BCL2L13: variants seen among roughly 807,000 people sequenced by gnomAD.
The protein encoded by BCL2L13 is BCL2 like 13.
BCL2L13 carries 13 observed loss-of-function variants against 25.8 expected under a neutral mutation model. That is an observed-to-expected ratio of 0.50 (90% CI 0.33 to 0.80). The LOEUF is 0.80. BCL2L13 is among the 30% of genes least tolerant of loss of function. BCL2L13 has a pLI of 0.02. For missense variants in BCL2L13, 504 were observed against 574.9 expected, an observed-to-expected ratio of 0.88 and a Z score of 1.26; for synonymous variants, 244 against 230.3, an observed-to-expected ratio of 1.06 and a Z score of -0.54.
chr22:17,638,989 T>A (rs1341423179), intron 1 of BCL2L13, 103 bp downstream of exon 1: 15 of 957,918 alleles, frequency 1.6e-5, no homozygotes, highest in Non-Finnish European at 2.0e-5. Context: ...GACTCCCCAG[T>A]GGTTCCGACG....
rs2059020835 is a variant in BCL2L13 at position 17,660,214 on chromosome 22, A to C, written c.121+4382A>C. Reference sequence around the variant, plus strand: ...GAAGATCCACTAGTTGTGGGATGGAAAATACTGTTTTTTTAACAGTGGTTT... The same window carrying C: ...GAAGATCCACTAGTTGTGGGATGGACAATACTGTTTTTTTAACAGTGGTTT... On this transcript the variant is annotated intron_variant, in intron 2 of 6. Transcript: ENST00000317582. Among the ~76,000 whole-genome samples the C allele has an allele frequency of 1.4e-5, 2 of 146,590 alleles. 1 individual carries two copies. The highest frequency in any genetic ancestry group is 3.1e-5 in the Non-Finnish European group (2 of 64,422).
At chr22:17,644,253 ATC>A (rs1332366840) in intron 1 of BCL2L13, among the ~76,000 whole-genome samples, 1 of 150,862 alleles carries the variant, frequency 6.6e-6, no homozygotes, top group Non-Finnish European at 1.5e-5. Flanking sequence ...TGATGGATTT[ATC>A]TGTGAATTTT....
Position 17,702,401 on chromosome 22 carries a change from A to AT in BCL2L13, c.600+16dup. ...AAGGTGGCTGGGTATGAGCTGTTAT[A>AT]TATTAAAAATATTTTCTTGAAAAAA... On this transcript the variant is annotated intron_variant, in intron 6 of 6. Transcript: ENST00000317582. The AT allele has an allele frequency of 2.0e-6, 3 of 1,519,484 alleles. No individual in the cohort carries two copies. Among genetic ancestry groups the AT allele is most frequent in the Non-Finnish European group, 2.6e-6 (3 of 1,138,236 alleles). The allele number at this position is 1,519,484 out of a possible 1,614,324, so 94.1% of individuals were successfully genotyped here. A position where few individuals can be genotyped will look rare whatever the true frequency, so the allele number is the denominator to read the frequency against.
At chr22:17,689,516 A>T (rs557987292) in intron 4 of BCL2L13, among the ~76,000 whole-genome samples, 2 of 152,156 alleles carry the variant, frequency 1.3e-5, no homozygotes, top group South Asian at 4.1e-4. Context: ...GTAATGTGGG[A>T]TTAACATTAT....
chr22:17,664,089 C>T (rs1437961592), intron 2 of BCL2L13, among the ~76,000 whole-genome samples: 2 of 151,940 alleles, frequency 1.3e-5, no homozygotes, highest in Non-Finnish European at 2.9e-5. Context: ...CCTCAGGTGA[C>T]CCACCTGTCT....
At chr22:17,694,955 A>C (rs1338522200) in intron 4 of BCL2L13, among the ~76,000 whole-genome samples, 2 of 152,214 alleles carry the variant, frequency 1.3e-5, no homozygotes, top group Admixed American at 1.3e-4. Flanking sequence ...AGGTAGGCTG[A>C]GATTTGCTGC....
At chr22:17,631,588 T>A (rs567660862) in intron 1 of BCL2L13, among the ~76,000 whole-genome samples, 1 of 146,408 alleles carries the variant, frequency 6.8e-6, no homozygotes, top group South Asian at 2.2e-4. Context: ...AGTCTCGAAC[T>A]CCTGGGCTCA....
At chr22:17,680,263 C>A (rs2059700464) in intron 2 of BCL2L13, among the ~76,000 whole-genome samples, 2 of 139,328 alleles carry the variant, frequency 1.4e-5, no homozygotes, top group Admixed American at 1.5e-4. Flanking sequence ...GTAATCCCAA[C>A]ACTTTGGGAG....
At chr22:17,657,823 C>CTT (rs71201859) in intron 2 of BCL2L13, among the ~76,000 whole-genome samples, 4,845 of 85,396 alleles carry the variant, frequency 0.057, 323 homozygotes, top group African/African-American at 0.1. Flanking sequence ...GTTGACATTT[C>CTT]TTTTTTTTTT....
chr22:17,706,617 C>T (rs923970726), intron 6 of BCL2L13: 11 of 1,202,338 alleles, frequency 9.1e-6, no homozygotes, highest in Admixed American at 6.5e-5. Flanking sequence ...TTTCCCTCTC[C>T]TTAAGTCTGA....
At chr22:17,697,789 AATAT>A (rs1422813498) in intron 5 of BCL2L13, among the ~76,000 whole-genome samples, 2 of 152,120 alleles carry the variant, frequency 1.3e-5, no homozygotes, top group African/African-American at 4.8e-5. Flanking sequence ...AATAAGAGAA[AATAT>A]TCTCTCTGAT....
intron 1 of BCL2L13, among the ~76,000 whole-genome samples, chr22:17,651,245 G>A (rs943272673): frequency 1.2e-4 from 18 of 151,386 alleles, no homozygotes; most frequent in African/African-American, 3.4e-4. Flanking sequence ...TGATCTACCC[G>A]CCTTGGCCTC....
At chr22:17,713,496 C>T in intron 6 of BCL2L13, among the ~76,000 whole-genome samples, 1 of 141,162 alleles carries the variant, frequency 7.1e-6, no homozygotes, top group African/African-American at 2.6e-5. Flanking sequence ...GAGTCTCGCT[C>T]TGTCGCCCAG....
At chr22:17,670,234 T>G (rs919759193) in intron 2 of BCL2L13, among the ~76,000 whole-genome samples, 7 of 152,328 alleles carry the variant, frequency 4.6e-5, no homozygotes, top group African/African-American at 1.7e-4. Flanking sequence ...AAGATTGCTT[T>G]GACTATTCTG....
chr22:17,684,503 C>T (rs2059850187), intron 3 of BCL2L13: 3 of 444,276 alleles, frequency 6.8e-6, no homozygotes, highest in South Asian at 4.8e-5. Flanking sequence ...GATCTCCATT[C>T]TGTTTTTATT....
At chr22:17,701,663 C>T (rs543018815) in intron 5 of BCL2L13, among the ~76,000 whole-genome samples, 2 of 152,244 alleles carry the variant, frequency 1.3e-5, no homozygotes, top group Admixed American at 6.5e-5. Flanking sequence ...TGGTGGCACA[C>T]GCCTATAATC....
chr22:17,635,158 C>A (rs2058084379), upstream of BCL2L13, among the ~76,000 whole-genome samples: 1 of 151,576 alleles, frequency 6.6e-6, no homozygotes, highest in South Asian at 2.1e-4. Context: ...GAGGCCAAGG[C>A]AGGTGGATCA....
chr22:17,655,609 T>C, intron 1 of BCL2L13, 53 bp from the exon 2 acceptor site: 1 of 1,413,806 alleles, frequency 7.1e-7, no homozygotes, highest in East Asian at 2.4e-5. Flanking sequence ...AAACAACTGT[T>C]AAAGTGGCAT....
intron 6 of BCL2L13, among the ~76,000 whole-genome samples, chr22:17,710,748 G>A (rs1289053606): frequency 6.6e-6 from 1 of 151,258 alleles, no homozygotes; most frequent in African/African-American, 2.4e-5. Context: ...GTGGTGGTGG[G>A]CACCCATAGT....
Sources: gnomAD v4.1 joint callset for allele counts (sites outside exome capture counted in the v4.1 genomes callset) on GRCh38, gnomAD v4.1.1 for gene constraint, MANE v1.5 for transcripts, NCBI Gene and HGNC (gene_info 2026-07-23, HGNC 2026-07-21) for gene names.